The following HS2ST1 variants were observed in gnomAD, a reference collection of about 807,000 sequenced individuals.
HS2ST1 encodes heparan sulfate 2-O-sulfotransferase 1, also known as 2-O-sulfotransferase.
A neutral mutation model predicts 42.9 loss-of-function variants in HS2ST1; 18 were observed. The observed-to-expected ratio is 0.42, with a 90% confidence interval of 0.29 to 0.62. The LOEUF (loss-of-function observed/expected upper bound fraction) is 0.62, where lower values mean the gene tolerates loss of function less well. Among genes scored for constraint, HS2ST1 ranks in the 20% least tolerant of loss-of-function variants. HS2ST1 has a pLI of 0.21. For missense variants in HS2ST1, 334 were observed against 433.8 expected (o/e 0.77, Z 2.04); for synonymous variants, 146 against 152.9 (o/e 0.95, Z 0.33).
intron 1 of HS2ST1, among the ~76,000 whole-genome samples, chr1:87,048,595 C>T (rs1482082911): frequency 7.9e-6 from 1 of 125,946 alleles, no homozygotes; most frequent in Non-Finnish European, 1.8e-5. Context: ...AGATTTTTAT[C>T]ATGCTTCTAG....
chr1:86,941,028 T>C (rs1660748883), intron 1 of HS2ST1, among the ~76,000 whole-genome samples: 1 of 152,148 alleles, frequency 6.6e-6, no homozygotes, highest in African/African-American at 2.4e-5. Context: ...AAGCTACTCA[T>C]GAGCCATCTA....
At chr1:87,025,097 C>T (rs558639135) in intron 1 of HS2ST1, among the ~76,000 whole-genome samples, 1 of 152,256 alleles carries the variant, frequency 6.6e-6, no homozygotes, top group Non-Finnish European at 1.5e-5. Context: ...ACATAGGTGT[C>T]AGAGGATTGA....
chr1:86,963,417 C>G (rs1216694084), intron 1 of HS2ST1, among the ~76,000 whole-genome samples: 1 of 152,098 alleles, frequency 6.6e-6, no homozygotes, highest in Non-Finnish European at 1.5e-5. Context: ...TTGCACTGCC[C>G]TTAATCCATT....
At chr1:86,993,140 G>T in intron 1 of HS2ST1, 2 of 1,598,552 alleles carry the variant, frequency 1.3e-6, no homozygotes, top group Non-Finnish European at 1.7e-6. Flanking sequence ...ACTGTATTTT[G>T]GGGTAGCATG....
intron 1 of HS2ST1, among the ~76,000 whole-genome samples, chr1:86,937,857 G>C (rs1316419798): frequency 2.0e-5 from 3 of 150,824 alleles, no homozygotes; most frequent in African/African-American, 4.9e-5. Flanking sequence ...TCTTCCACCT[G>C]TCCTACTCTT....
intron 1 of HS2ST1, chr1:87,045,459 G>T (rs1008028226): frequency 5.3e-6 from 6 of 1,126,104 alleles, no homozygotes; most frequent in African/African-American, 4.5e-5. Flanking sequence ...ACCTTGTCTC[G>T]TAAGGTGAGA....
At chr1:86,997,154 A>G (rs1470382548) in intron 1 of HS2ST1, among the ~76,000 whole-genome samples, 2 of 152,174 alleles carry the variant, frequency 1.3e-5, no homozygotes, top group African/African-American at 2.4e-5. Flanking sequence ...GGAGTTTTAC[A>G]TGGCTAAGGA....
intron 5 of HS2ST1, chr1:87,098,345 T>A (rs1358635461): frequency 1.0e-6 from 1 of 986,052 alleles, no homozygotes; most frequent in African/African-American, 1.7e-5. Context: ...TAAACTGATT[T>A]TGACTTTAAG....
intron 1 of HS2ST1, among the ~76,000 whole-genome samples, chr1:87,018,047 CAT>C (rs1331760450): frequency 6.6e-6 from 1 of 151,872 alleles, no homozygotes; most frequent in African/African-American, 2.4e-5. Context: ...CAAGGTAAAA[CAT>C]AGCAGTTTGG....
rs1240127775 is a variant in HS2ST1 at position 87,107,689 on chromosome 1, C to G, written c.*2993C>G. On this transcript the variant is annotated 3_prime_UTR_variant, in exon 7 of 7. Transcript: ENST00000370550. Reference sequence around the variant, plus strand: ...TCCTAAAAGAAGAAAAGATACCTTTCTGTTCAACTTGTATCAACTCCTCTT... The same window carrying G: ...TCCTAAAAGAAGAAAAGATACCTTTGTGTTCAACTTGTATCAACTCCTCTT... 1 of 151,624 alleles carries G rather than the reference C, an allele frequency of 6.6e-6. No homozygotes were observed. The highest frequency in any genetic ancestry group is 2.4e-5 in the African/African-American group (1 of 41,350). 9.4% of individuals were successfully genotyped at this position (151,624 alleles called of 1,614,324 possible).
At chr1:87,068,639 T>TG (rs1298825708) in intron 1 of HS2ST1, among the ~76,000 whole-genome samples, 8 of 152,172 alleles carry the variant, frequency 5.3e-5, no homozygotes, top group Non-Finnish European at 7.3e-5. Context: ...TTGCACCGGT[T>TG]GTCAAAGGAC....
intron 1 of HS2ST1, among the ~76,000 whole-genome samples, chr1:87,040,524 G>T (rs542745428): frequency 6.6e-6 from 1 of 152,102 alleles, no homozygotes; most frequent in African/African-American, 2.4e-5. Flanking sequence ...GGGGCATGGG[G>T]CATTGACTCC....
At chr1:87,070,216 A>C (rs192493675) in intron 1 of HS2ST1, among the ~76,000 whole-genome samples, 6 of 152,292 alleles carry the variant, frequency 3.9e-5, no homozygotes, top group African/African-American at 1.4e-4. Flanking sequence ...TTAGTAGAAA[A>C]GGGGAGGGTG....
intron 1 of HS2ST1, among the ~76,000 whole-genome samples, chr1:86,988,414 CAG>C (rs887309912): frequency 6.6e-6 from 1 of 152,250 alleles, no homozygotes; most frequent in African/African-American, 2.4e-5. Flanking sequence ...TGTTCCCATA[CAG>C]AGTTGTGTTA....
chr1:87,084,138 T>C, intron 2 of HS2ST1, 56 bp from the exon 3 acceptor site: 1 of 1,077,808 alleles, frequency 9.3e-7, no homozygotes, highest in East Asian at 2.5e-5. Context: ...TATTTTGCTA[T>C]CATCAAATTT....
intron 1 of HS2ST1, among the ~76,000 whole-genome samples, chr1:87,048,726 G>C (rs760365358): frequency 1.7e-4 from 26 of 152,038 alleles, no homozygotes; most frequent in Non-Finnish European, 2.4e-4. Flanking sequence ...TTGTTTATGT[G>C]CATGTATTAA....
intron 1 of HS2ST1, among the ~76,000 whole-genome samples, chr1:86,991,489 G>T (rs1026415686): frequency 2.6e-5 from 4 of 152,196 alleles, no homozygotes; most frequent in Non-Finnish European, 5.9e-5. Flanking sequence ...GCCAAGCCTT[G>T]TAATTGGTAC....
chr1:87,024,455 T>G (rs1048065047), intron 1 of HS2ST1, among the ~76,000 whole-genome samples: 13 of 151,114 alleles, frequency 8.6e-5, no homozygotes, highest in African/African-American at 2.7e-4. Flanking sequence ...GAGCCGAGAT[T>G]GTGCCATTGC....
At chr1:87,036,182 T>C (rs1370859139) in intron 1 of HS2ST1, among the ~76,000 whole-genome samples, 1 of 152,202 alleles carries the variant, frequency 6.6e-6, no homozygotes, top group African/African-American at 2.4e-5. Context: ...TGTGCCACAG[T>C]TTCTTTATCC....
Sources: gnomAD v4.1 joint callset for allele counts (sites outside exome capture counted in the v4.1 genomes callset) on GRCh38, gnomAD v4.1.1 for gene constraint, MANE v1.5 for transcripts, NCBI Gene and HGNC (gene_info 2026-07-23, HGNC 2026-07-21) for gene names.